The following CFAP58 variants were observed in gnomAD, a reference collection of about 807,000 sequenced individuals.
CFAP58 encodes the protein cilia- and flagella-associated protein 58.
CFAP58 carries 88 observed loss-of-function variants against 119.5 expected under a neutral mutation model. That is an observed-to-expected ratio of 0.74 (90% CI 0.62 to 0.88). The LOEUF (loss-of-function observed/expected upper bound fraction) is 0.88. CFAP58 is among the 40% of genes least tolerant of loss of function. The pLI is 0.00. For missense variants in CFAP58, 990 were observed against 1,021.2 expected (o/e 0.97, Z 0.42); for synonymous variants, 365 against 366.3 (o/e 1.00, Z 0.04).
At chr10:104,359,161 A>AT (rs1191029501) in intron 2 of CFAP58, among the ~76,000 whole-genome samples, 1 of 152,078 alleles carries the variant, frequency 6.6e-6, no homozygotes, top group Admixed American at 6.6e-5. Flanking sequence ...TTTACACTAG[A>AT]TTTTTTTCAT....
intron 15 of CFAP58, among the ~76,000 whole-genome samples, chr10:104,435,840 C>G (rs2012925020): frequency 6.6e-6 from 1 of 152,168 alleles, no homozygotes; most frequent in African/African-American, 2.4e-5. Context: ...TTTCTTAAAA[C>G]TTATTTGTCA....
upstream of CFAP58, among the ~76,000 whole-genome samples, chr10:104,352,796 T>C (rs2014478239): frequency 6.6e-6 from 1 of 152,208 alleles, no homozygotes; most frequent in Non-Finnish European, 1.5e-5. Context: ...TATGAAACGC[T>C]GTGCAGTACT....
intron 11 of CFAP58, among the ~76,000 whole-genome samples, chr10:104,397,339 C>T (rs1029924703): frequency 1.3e-5 from 2 of 152,066 alleles, no homozygotes; most frequent in South Asian, 2.1e-4. Context: ...TTGCTTATCC[C>T]TAGACCAAAA....
chr10:104,355,734 A>G (rs919687676), intron 1 of CFAP58, among the ~76,000 whole-genome samples: 7 of 152,228 alleles, frequency 4.6e-5, no homozygotes, highest in Non-Finnish European at 7.3e-5. Context: ...ATACCATTAT[A>G]TGTTATAACA....
intron 7 of CFAP58, among the ~76,000 whole-genome samples, chr10:104,372,370 AAG>A (rs2014835951): frequency 6.6e-6 from 1 of 152,148 alleles, no homozygotes. Flanking sequence ...AAAAAAGAAA[AAG>A]AGAGAGAAAA....
At chr10:104,387,106 T>C (rs989596320) in intron 9 of CFAP58, among the ~76,000 whole-genome samples, 2 of 152,258 alleles carry the variant, frequency 1.3e-5, no homozygotes, top group Non-Finnish European at 2.9e-5. Context: ...CTGAACTGGA[T>C]GGCTCAGAAT....
chr10:104,434,646 G>C (rs2012901663), intron 15 of CFAP58, among the ~76,000 whole-genome samples: 3 of 152,224 alleles, frequency 2.0e-5, no homozygotes. Flanking sequence ...GATTCAGCCA[G>C]GTGACCTTTG....
intron 17 of CFAP58, 72 bp from the exon 18 acceptor site, chr10:104,454,350 C>G (rs2133106130): frequency 8.3e-7 from 1 of 1,209,274 alleles, no homozygotes; most frequent in Non-Finnish European, 1.2e-6. Context: ...CTAACACACC[C>G]TAGGATTATC....
At chr10:104,409,939 G>C (rs1165536351) in intron 15 of CFAP58, among the ~76,000 whole-genome samples, 1 of 151,648 alleles carries the variant, frequency 6.6e-6, no homozygotes, top group African/African-American at 2.4e-5. Flanking sequence ...TTTTTGTAAT[G>C]CTCAAAAAAA....
At chr10:104,435,900 G>C (rs1028175803) in intron 15 of CFAP58, among the ~76,000 whole-genome samples, 3 of 152,158 alleles carry the variant, frequency 2.0e-5, no homozygotes, top group Admixed American at 2.0e-4. Flanking sequence ...TCTTCTGCCT[G>C]AAGCCTGCTC....
intron 5 of CFAP58, among the ~76,000 whole-genome samples, chr10:104,366,592 C>A (rs948372992): frequency 7.2e-5 from 11 of 152,080 alleles, no homozygotes; most frequent in African/African-American, 2.7e-4. Flanking sequence ...ATATGGTAAC[C>A]CTTAGCAACA....
chr10:104,380,221 G>A lies in CFAP58; in HGVS notation c.1365+1G>A, dbSNP rs2011757683. On this transcript the variant is annotated splice_donor_variant, in intron 9 of 17. Coordinates refer to ENST00000369704, the MANE Select transcript of CFAP58 (RefSeq NM_001008723.2). LOFTEE classifies it high-confidence loss of function. The stretch of plus-strand genomic sequence containing the variant: ...CCAAGCCAGTGACCTTACGCAAAAG[G>A]TAAGCTGCTCAGTGATGTTGTGGGT... 1.9e-6 allele frequency: 3 copies of A among 1,613,034 alleles called. No individual in the cohort carries two copies. The highest frequency in any genetic ancestry group is 2.5e-6 in the Non-Finnish European group (3 of 1,179,564).
In CFAP58 at chr10:104,382,220, G is replaced by A. The variant is rs2011825933; in HGVS notation, c.1365+2000G>A. The stretch of plus-strand genomic sequence containing the variant: ...TTCTGAGCCTCTGCTGACAAGGGAA[G>A]GGCACAGATCCTACCCACTCATATT... On this transcript the variant is annotated intron_variant, in intron 9 of 17. Transcript: ENST00000369704. 8 of 717,260 alleles carry A rather than the reference G, an allele frequency of 1.1e-5. No individual in the cohort carries two copies. In the South Asian group the frequency reaches 1.2e-4, roughly 11 times the overall value. The allele number at this position is 717,260 out of a possible 1,614,324, so 44.4% of individuals were successfully genotyped here. A position where few individuals can be genotyped will look rare whatever the true frequency, so the allele number is the denominator to read the frequency against.
At chr10:104,392,612 T>C (rs920008899) in intron 10 of CFAP58, among the ~76,000 whole-genome samples, 4 of 151,496 alleles carry the variant, frequency 2.6e-5, no homozygotes, top group Admixed American at 2.6e-4. Flanking sequence ...TTAATTATTA[T>C]GTAGAATTAC....
chr10:104,451,298 G>A (rs1439724800), intron 17 of CFAP58, among the ~76,000 whole-genome samples: 1 of 152,176 alleles, frequency 6.6e-6, no homozygotes, highest in African/African-American at 2.4e-5. Flanking sequence ...TCATTTGCCA[G>A]TAAAAGTCTG....
chr10:104,403,626 C>T (rs541467958), intron 13 of CFAP58, 103 bp from the exon 14 acceptor site: 2 of 638,910 alleles, frequency 3.1e-6, no homozygotes, highest in Admixed American at 5.3e-5. Context: ...TCCCTAACTC[C>T]AACTTTTTAT....
intron 3 of CFAP58, among the ~76,000 whole-genome samples, chr10:104,363,431 T>C (rs1222353538): frequency 6.6e-6 from 1 of 152,196 alleles, no homozygotes; most frequent in Non-Finnish European, 1.5e-5. Flanking sequence ...TGACAGATAG[T>C]TCTAAGTACA....
intron 1 of CFAP58, among the ~76,000 whole-genome samples, chr10:104,356,489 T>C (rs1308850262): frequency 6.6e-6 from 1 of 152,208 alleles, no homozygotes; most frequent in Non-Finnish European, 1.5e-5. Context: ...TAAAACATAA[T>C]GTTGCAAACG....
chr10:104,378,959 C>A (rs1277457399), intron 8 of CFAP58, among the ~76,000 whole-genome samples: 1 of 151,690 alleles, frequency 6.6e-6, no homozygotes, highest in Non-Finnish European at 1.5e-5. Flanking sequence ...CCCAGACCCA[C>A]TGAATCAGAA....
Sources: allele counts gnomAD v4.1 joint callset (sites outside exome capture counted in the v4.1 genomes callset), GRCh38; gene constraint gnomAD v4.1.1; transcripts MANE v1.5; gene names NCBI Gene and HGNC (gene_info 2026-07-23, HGNC 2026-07-21).